The following ZC3H10 variants were observed in gnomAD, a reference collection of about 807,000 sequenced individuals.
ZC3H10 encodes zinc finger CCCH-type containing 10, also known as zinc finger CCCH domain-containing protein 10.
ZC3H10 carries 12 observed loss-of-function variants against 24.3 expected under a neutral mutation model. That is an observed-to-expected ratio of 0.49 (90% CI 0.32 to 0.80). The LOEUF is 0.80. ZC3H10 is among the 30% of genes least tolerant of loss of function. ZC3H10 has a pLI of 0.04. For missense variants in ZC3H10, 360 were observed against 576.3 expected (o/e 0.62, Z 3.84); for synonymous variants, 226 against 217.0 (o/e 1.04, Z -0.36).
At chr12:56,118,644 G>C (rs1207106763) in intron 1 of ZC3H10, 2 of 152,274 alleles carry the variant, frequency 1.3e-5, no homozygotes, top group Non-Finnish European at 2.9e-5. Context: ...CAAGCTAGAA[G>C]ACTTGCTGCG....
chr12:56,119,860 C>T (rs1869757458), intron 2 of ZC3H10: 1 of 152,082 alleles, frequency 6.6e-6, no homozygotes, highest in Non-Finnish European at 1.5e-5. Flanking sequence ...AATGGTTTGT[C>T]CTAGGAAATC....
Position 56,120,913 on chromosome 12 carries a change from G to A in ZC3H10, c.351G>A (p.Gln117=), listed in dbSNP as rs770128451. The A allele has an allele frequency of 7.0e-5, 113 of 1,614,106 alleles. No homozygotes were observed. The highest frequency in any genetic ancestry group is 9.2e-5 in the Non-Finnish European group (109 of 1,180,038). The change falls in exon 3 of 3, where the codon CAG becomes CAA. Residue 117 remains glutamine (Q), a synonymous_variant. Transcript: ENST00000257940. ...KTGELPPRLR[Q]KVAAGLGLSP... ...GAGAGCTTCCCCCACGGCTGAGGCA[G>A]AAAGTAGCAGCTGGCCTTGGCCTTT...
Position 56,121,442 on chromosome 12 carries a change from A to G in ZC3H10, c.880A>G (p.Thr294Ala), listed in dbSNP as rs758808670. The G allele has an allele frequency of 1.2e-6, 2 of 1,610,512 alleles. No homozygotes were observed. Among genetic ancestry groups the G allele is most frequent in the Non-Finnish European group, 1.7e-6 (2 of 1,176,996 alleles). Residue 294 changes from threonine (T) to alanine (A), a missense_variant, in exon 3 of 3, where the codon ACT becomes GCT. Thr to Ala is a moderately conservative substitution (Grantham distance 58, BLOSUM62 0). Coordinates refer to ENST00000257940, the MANE Select transcript of ZC3H10 (RefSeq NM_032786.3). This position sits in a 1 kb window ranked among gnomAD's most constrained non-coding sequence, Gnocchi z 6.2. ...CTCCACTGCACCAGCGACTGAGCAG[A>G]CTCTGGCCCCCACTGTGGGCACTGT... ...LSSTAPATEQ[T>A]LAPTVGTVAT...
rs1869914669 is a variant in ZC3H10 at position 56,123,699 on chromosome 12, C to G, written c.*1832C>G. The G allele has an allele frequency of 6.6e-6, 1 of 152,152 alleles. No homozygotes were observed. Among genetic ancestry groups the G allele is most frequent in the African/African-American group, 2.4e-5 (1 of 41,430 alleles). The allele number at this position is 152,152 out of a possible 1,614,324, so 9.4% of individuals were successfully genotyped here. On this transcript the variant is annotated 3_prime_UTR_variant, in exon 3 of 3. Coordinates refer to ENST00000257940, the MANE Select transcript of ZC3H10 (RefSeq NM_032786.3). The stretch of plus-strand genomic sequence containing the variant: ...AAAGTGCTGGGATTACAGGCATGAA[C>G]CACCGTGCCCGGCAATTCTAGACTA...
Position 56,126,723 on chromosome 12 carries a change from C to T in ZC3H10, c.*4856C>T, listed in dbSNP as rs1392044745. 1 of 152,152 alleles carries T rather than the reference C, an allele frequency of 6.6e-6. No individual in the cohort carries two copies. Among genetic ancestry groups the T allele is most frequent in the Non-Finnish European group, 1.5e-5 (1 of 68,018 alleles). The allele number at this position is 152,152 out of a possible 1,614,324, so 9.4% of individuals were successfully genotyped here. A position where few individuals can be genotyped will look rare whatever the true frequency, so the allele number is the denominator to read the frequency against. On this transcript the variant is annotated 3_prime_UTR_variant, in exon 3 of 3. Transcript: ENST00000257940. ...CATAATTCCTCCAATTTCCTTGTTT[C>T]CCTTTTCTACCTGCTTACCTCTGGG...
Position 56,127,003 on chromosome 12 carries a change from A to G in ZC3H10, c.*5136A>G, listed in dbSNP as rs915756161. 1.3e-5 allele frequency: 2 copies of G among 152,230 alleles called. No homozygotes were observed. Among genetic ancestry groups the G allele is most frequent in the Admixed American group, 1.3e-4 (2 of 15,288 alleles). 9.4% of individuals were successfully genotyped at this position (152,230 alleles called of 1,614,324 possible). ...AAGACACTTCCTCTAAGAAATGGCT[A>G]GTTTCTTCCCAGTGATCAACCCCAG... On this transcript the variant is annotated 3_prime_UTR_variant, in exon 3 of 3. Coordinates refer to ENST00000257940, the MANE Select transcript of ZC3H10 (RefSeq NM_032786.3).
chr12:56,120,018 C>G (rs754892381), intron 2 of ZC3H10: 17 of 165,058 alleles, frequency 1.0e-4, no homozygotes, highest in Non-Finnish European at 2.1e-4. Flanking sequence ...AGTCTCTTCA[C>G]CCAGGATTTC....
Position 56,121,977 on chromosome 12 carries a change from T to C in ZC3H10, c.*110T>C. 7.7e-7 allele frequency: 1 copy of C among 1,302,172 alleles called. No homozygotes were observed. Among genetic ancestry groups the C allele is most frequent in the Non-Finnish European group, 1.0e-6 (1 of 959,474 alleles). 80.7% of individuals were successfully genotyped at this position (1,302,172 alleles called of 1,614,324 possible). ...CTGTCTGAAGGGCTCCCTTGAGAAC[T>C]AGGACAAGAGACTACAAGGAGTATG... is the stretch of plus-strand genomic sequence containing the variant. On this transcript the variant is annotated 3_prime_UTR_variant, in exon 3 of 3. Coordinates refer to ENST00000257940, the MANE Select transcript of ZC3H10 (RefSeq NM_032786.3). The surrounding 1 kb of genome is among the most constrained non-coding windows in gnomAD (Gnocchi z 6.2).
At chr12:56,120,160 CCA>C (rs1263226126) in intron 2 of ZC3H10, 3 of 988,174 alleles carry the variant, frequency 3.0e-6, no homozygotes, top group Non-Finnish European at 3.6e-6. Context: ...GGCACTATTC[CCA>C]GTTTCCTTCC....
chr12:56,121,457 G>T lies in ZC3H10; in HGVS notation c.895G>T (p.Val299Leu), dbSNP rs1256625318. The T allele has an allele frequency of 2.5e-6, 4 of 1,610,394 alleles. No homozygotes were observed. In the South Asian group the frequency reaches 4.4e-5, roughly 18 times the overall value. Residue 299 changes from valine to leucine, a missense_variant, in exon 3 of 3, where the codon GTG (valine) becomes TTG (leucine). Physicochemically the swap from Val to Leu is conservative, Grantham distance 32. Coordinates refer to ENST00000257940, the MANE Select transcript of ZC3H10 (RefSeq NM_032786.3). This position sits in a 1 kb window ranked among gnomAD's most constrained non-coding sequence, Gnocchi z 6.2. ...PATEQTLAPT[V>L]GTVATFNHGI... ...GACTGAGCAGACTCTGGCCCCCACT[G>T]TGGGCACTGTTGCCACTTTTAACCA...
chr12:56,120,023 G>A (rs1263078183), intron 2 of ZC3H10: 1 of 169,106 alleles, frequency 5.9e-6, no homozygotes, highest in Non-Finnish European at 1.2e-5. Context: ...CTTCACCCAG[G>A]ATTTCTTGGC....
chr12:56,120,364 G>A (rs1035717189), intron 2 of ZC3H10, 147 bp from the exon 3 acceptor site: 1 of 1,339,184 alleles, frequency 7.5e-7, no homozygotes, highest in Non-Finnish European at 9.5e-7. Flanking sequence ...AGGGGCTTTT[G>A]ATGAGTCAGA....
At chr12:56,120,151 G>T in intron 2 of ZC3H10, 3 of 962,236 alleles carry the variant, frequency 3.1e-6, no homozygotes, top group Non-Finnish European at 3.7e-6. Context: ...CCCATCTTGG[G>T]CACTATTCCC....
Position 56,125,638 on chromosome 12 carries a change from G to A in ZC3H10, c.*3771G>A, listed in dbSNP as rs1009258950. 1.3e-5 allele frequency: 2 copies of A among 152,146 alleles called. No homozygotes were observed. Among genetic ancestry groups the A allele is most frequent in the Admixed American group, 6.5e-5 (1 of 15,272 alleles). The allele number at this position is 152,146 out of a possible 1,614,324, so 9.4% of individuals were successfully genotyped here. The stretch of plus-strand genomic sequence containing the variant: ...AATATTATTGTACCCATTTTACAGA[G>A]GAGAAAGCAGGCTTAAAAAGTAACC... On this transcript the variant is annotated 3_prime_UTR_variant, in exon 3 of 3. Transcript: ENST00000257940.
chr12:56,126,700 T>C lies in ZC3H10; in HGVS notation c.*4833T>C, dbSNP rs554716010. The C allele has an allele frequency of 1.7e-4, 26 of 152,352 alleles. No homozygotes were observed. Among genetic ancestry groups the C allele is most frequent in the African/African-American group, 5.8e-4 (24 of 41,576 alleles). 9.4% of individuals were successfully genotyped at this position (152,352 alleles called of 1,614,324 possible). A position where few individuals can be genotyped will look rare whatever the true frequency, so the allele number is the denominator to read the frequency against. On this transcript the variant is annotated 3_prime_UTR_variant, in exon 3 of 3. Coordinates refer to ENST00000257940, the MANE Select transcript of ZC3H10 (RefSeq NM_032786.3). ...TATCAGTTGGTGAGCAGGTCACTCA[T>C]AATTCCTCCAATTTCCTTGTTTCCC...
rs1040933418 is a variant in ZC3H10 at position 56,124,237 on chromosome 12, C to T, written c.*2370C>T. Reference sequence around the variant, plus strand: ...GTTTGCACACTGACCTTGTTTTGTGCTTAAACAAAATTGTGTAGTGATTTT... The same window carrying T: ...GTTTGCACACTGACCTTGTTTTGTGTTTAAACAAAATTGTGTAGTGATTTT... On this transcript the variant is annotated 3_prime_UTR_variant, in exon 3 of 3. Transcript: ENST00000257940. 3.3e-5 allele frequency: 5 copies of T among 152,238 alleles called. No homozygotes were observed. Among genetic ancestry groups the T allele is most frequent in the African/African-American group, 1.2e-4 (5 of 41,462 alleles). 9.4% of individuals were successfully genotyped at this position (152,238 alleles called of 1,614,324 possible).
Position 56,124,909 on chromosome 12 carries a change from C to A in ZC3H10, c.*3042C>A, listed in dbSNP as rs1252099466. On this transcript the variant is annotated 3_prime_UTR_variant, in exon 3 of 3. Coordinates refer to ENST00000257940, the MANE Select transcript of ZC3H10 (RefSeq NM_032786.3). ...TGCAAAAAAATAGAATCTTAGCCCT[C>A]AAGATGTCCATTTATAAATATTTAT... 1.3e-5 allele frequency: 2 copies of A among 152,164 alleles called. No homozygotes were observed. The highest frequency in any genetic ancestry group is 4.8e-5 in the African/African-American group (2 of 41,416). 9.4% of individuals were successfully genotyped at this position (152,164 alleles called of 1,614,324 possible).
rs142634315 is a variant in ZC3H10, at chr12:56,120,590, G to A, written c.28G>A (p.Gly10Ser). The A allele has an allele frequency of 1.9e-4, 302 of 1,564,090 alleles. No homozygotes were observed. The African/African-American group carries it at 3.3e-3, about 17-fold the overall frequency. ...GCCTGACCGGGACAGCTATGCCAAC[G>A]GTACCGGGAGCAGCGGTGGAGGCCC... The part of the protein sequence containing the change: MPDRDSYAN[G>S]TGSSGGGPGG... Residue 10 changes from glycine to serine, a missense_variant, in exon 3 of 3, where the codon GGT becomes AGT. Gly to Ser is a moderately conservative substitution (Grantham distance 56). Coordinates refer to ENST00000257940, the MANE Select transcript of ZC3H10 (RefSeq NM_032786.3).
In ZC3H10 at chr12:56,124,219, C is replaced by T. The variant is rs944774877; in HGVS notation, c.*2352C>T. The T allele has an allele frequency of 6.6e-6, 1 of 152,236 alleles. No individual in the cohort carries two copies. Among genetic ancestry groups the T allele is most frequent in the Non-Finnish European group, 1.5e-5 (1 of 68,042 alleles). The allele number at this position is 152,236 out of a possible 1,614,324, so 9.4% of individuals were successfully genotyped here. A position where few individuals can be genotyped will look rare whatever the true frequency, so the allele number is the denominator to read the frequency against. On this transcript the variant is annotated 3_prime_UTR_variant, in exon 3 of 3. Coordinates refer to ENST00000257940, the MANE Select transcript of ZC3H10 (RefSeq NM_032786.3). ...GATGTTTGCTGTTTTGTGGTTTGCA[C>T]ACTGACCTTGTTTTGTGCTTAAACA...
Sources: gnomAD v4.1 joint callset for allele counts on GRCh38, gnomAD v4.1.1 for gene constraint, Gnocchi (gnomAD v3.1) non-coding constraint, MANE v1.5 for transcripts, NCBI Gene and HGNC (gene_info 2026-07-23, HGNC 2026-07-21) for gene names.